Variants in EPHA5 observed in about 807,000 individuals in gnomAD.
The protein encoded by EPHA5 is EPH receptor A5.
EPHA5 carries 60 observed loss-of-function variants against 105.0 expected under a neutral mutation model. The observed-to-expected ratio is 0.57, with a 90% CI of 0.46 to 0.71. The LOEUF (loss-of-function observed/expected upper bound fraction) is 0.71. Ranked by LOEUF, EPHA5 falls within the 30% of genes least tolerant of loss-of-function variation. The pLI is 0.00. For missense variants in EPHA5, 1,218 were observed against 1,274.7 expected, an observed-to-expected ratio of 0.96 and a Z score of 0.68; for synonymous variants, 513 against 449.1, an observed-to-expected ratio of 1.14 and a Z score of -1.80.
At chr4:65,556,949 C>T (rs576839451) in intron 3 of EPHA5, among the ~76,000 whole-genome samples, 72 of 151,824 alleles carry the variant, frequency 4.7e-4, no homozygotes, top group Non-Finnish European at 8.7e-4. Flanking sequence ...AATGAGTTTT[C>T]CTTCACTTCC....
intron 3 of EPHA5, among the ~76,000 whole-genome samples, chr4:65,601,000 A>C (rs1193452937): frequency 6.6e-6 from 1 of 152,134 alleles, no homozygotes. Flanking sequence ...CTTTAAAATG[A>C]CCTTTTGTAT....
intron 7 of EPHA5, 107 bp downstream of exon 7, chr4:65,414,177 A>G: frequency 1.0e-6 from 1 of 966,488 alleles, no homozygotes; most frequent in Non-Finnish European, 1.6e-6. Flanking sequence ...TGGGAGAGAG[A>G]GAGGGAGAGT....
At chr4:65,628,602 A>G (rs1239737846) in intron 2 of EPHA5, among the ~76,000 whole-genome samples, 3 of 152,180 alleles carry the variant, frequency 2.0e-5, no homozygotes, top group Non-Finnish European at 4.4e-5. Flanking sequence ...GCATACAGCC[A>G]CCACTATTAG....
intron 2 of EPHA5, among the ~76,000 whole-genome samples, chr4:65,619,379 C>T (rs1164891035): frequency 6.6e-6 from 1 of 152,050 alleles, no homozygotes; most frequent in African/African-American, 2.4e-5. Context: ...CATACACATA[C>T]ATTTAGGCAT....
At chr4:65,410,544 G>T (rs1020109287) in intron 7 of EPHA5, among the ~76,000 whole-genome samples, 1 of 152,074 alleles carries the variant, frequency 6.6e-6, no homozygotes, top group African/African-American at 2.4e-5. Context: ...ACCAAATGGC[G>T]TAGAATCTAA....
intron 5 of EPHA5, among the ~76,000 whole-genome samples, chr4:65,451,309 T>C (rs1383881155): frequency 6.6e-6 from 1 of 152,298 alleles, no homozygotes; most frequent in African/African-American, 2.4e-5. Context: ...ATAATCTTTT[T>C]TGATACAAGA....
At chr4:65,593,862 T>C (rs2149421524) in intron 3 of EPHA5, among the ~76,000 whole-genome samples, 1 of 152,330 alleles carries the variant, frequency 6.6e-6, no homozygotes, top group Middle Eastern at 3.4e-3. Flanking sequence ...TTGAAGTCTA[T>C]TGAATGATTT....
chr4:65,669,428 G>C, intron 1 of EPHA5, 134 bp downstream of exon 1: 2 of 1,244,120 alleles, frequency 1.6e-6, no homozygotes, highest in Non-Finnish European at 1.0e-6. Context: ...GGAAGGGGAC[G>C]ACAAATACCA....
intron 3 of EPHA5, among the ~76,000 whole-genome samples, chr4:65,546,359 G>T (rs1448528811): frequency 6.6e-6 from 1 of 151,814 alleles, no homozygotes; most frequent in Non-Finnish European, 1.5e-5. Context: ...CTAATATAAG[G>T]TGTCCAGAAA....
rs192427723 is a variant in EPHA5 at position 65,363,212 on chromosome 4, T to C, written c.2173+1805A>G. ...ATAGGAAGAAAGATAAGTGGAGAAG[T>C]AGTAACTATGTACTAAATAAGTACT... On this transcript the variant is annotated intron_variant, in intron 11 of 16. Transcript: ENST00000613740. 2.7e-4 allele frequency among the ~76,000 whole-genome samples: 41 copies of C among 151,694 alleles called. 1 individual carries two copies. The East Asian group carries it at 6.6e-3, about 24-fold the overall frequency.
At chr4:65,487,312 T>C (rs13139227) in intron 5 of EPHA5, among the ~76,000 whole-genome samples, 2,805 of 151,650 alleles carry the variant, frequency 0.018, 46 homozygotes, top group Non-Finnish European at 0.03. Context: ...GAACTAACTT[T>C]GGGGGGAATT....
In EPHA5 at chr4:65,414,314, G is replaced by T. The variant is rs772400389; in HGVS notation, c.1657C>A (p.Arg553=). 6 of 1,613,818 alleles carry T rather than the reference G, an allele frequency of 3.7e-6. No homozygotes were observed. The highest frequency in any genetic ancestry group is 4.2e-6 in the Non-Finnish European group (5 of 1,179,866). ...GGGGTGGTTTCAAACTCAAATCTTC[G>T]ACTGAAGACACCATAGCCTGCTGCT... ...RTAAGYGVFS[R]RFEFETTPVS... The change falls in exon 7 of 17, where the codon CGA becomes AGA. Residue 553 remains arginine, a synonymous_variant. Coordinates refer to ENST00000613740, the MANE Select transcript of EPHA5 (RefSeq NM_001281766.3).
chr4:65,557,290 A>C (rs972438346), intron 3 of EPHA5, among the ~76,000 whole-genome samples: 11 of 135,262 alleles, frequency 8.1e-5, no homozygotes, highest in African/African-American at 3.1e-4. Flanking sequence ...ACTCCATCTT[A>C]TTAACGTTTG....
chr4:65,565,443 T>C (rs1739436886), intron 3 of EPHA5, among the ~76,000 whole-genome samples: 1 of 151,756 alleles, frequency 6.6e-6, no homozygotes, highest in South Asian at 2.1e-4. Flanking sequence ...GTCATATAAA[T>C]GTTTTTCAGT....
At chr4:65,570,859 A>T (rs985268300) in intron 3 of EPHA5, among the ~76,000 whole-genome samples, 21 of 152,030 alleles carry the variant, frequency 1.4e-4, no homozygotes, top group Admixed American at 6.6e-5. Flanking sequence ...TTTTAATAAC[A>T]AACTTAAGTT....
rs562281404 is a variant in EPHA5 at position 65,491,407 on chromosome 4, A to T, written c.1067-695T>A. On this transcript the variant is annotated intron_variant, in intron 4 of 16. Transcript: ENST00000613740. Reference sequence around the variant, plus strand: ...TAATTGAAAATCTAAAATTTATTTTAAAAATAACCCTGAAAAGGACTACAA... The same window carrying T: ...TAATTGAAAATCTAAAATTTATTTTTAAAATAACCCTGAAAAGGACTACAA... Among the ~76,000 whole-genome samples the T allele has an allele frequency of 2.6e-5, 4 of 152,218 alleles. No homozygotes were observed. In the South Asian group the frequency reaches 8.3e-4, roughly 32 times the overall value.
intron 3 of EPHA5, among the ~76,000 whole-genome samples, chr4:65,542,903 C>A (rs558768128): frequency 6.6e-6 from 1 of 152,144 alleles, no homozygotes; most frequent in East Asian, 1.9e-4. Context: ...CCCTGGGATG[C>A]AAGGCTGGTT....
chr4:65,348,727 G>GTGTGCATATATATA (rs1390998405), intron 13 of EPHA5, among the ~76,000 whole-genome samples: 5 of 121,318 alleles, frequency 4.1e-5, no homozygotes, highest in Admixed American at 9.0e-5. Context: ...ATATATATGT[G>GTGTGCATATATATA]TGTGTATATA....
intron 5 of EPHA5, among the ~76,000 whole-genome samples, chr4:65,465,029 T>C (rs1483890054): frequency 1.3e-5 from 2 of 151,980 alleles, no homozygotes; most frequent in African/African-American, 2.4e-5. Context: ...TATGTAAGAG[T>C]GATGAAATTT....
Sources: gnomAD v4.1 joint callset for allele counts (sites outside exome capture counted in the v4.1 genomes callset) on GRCh38, gnomAD v4.1.1 for gene constraint, MANE v1.5 for transcripts, NCBI Gene and HGNC (gene_info 2026-07-23, HGNC 2026-07-21) for gene names.